The following ZNF268 variants were observed in gnomAD, a reference collection of about 807,000 sequenced individuals.
ZNF268 encodes zinc finger protein 268, also known as zinc finger protein 3.
ZNF268 carries 20 observed loss-of-function variants against 29.3 expected under a neutral mutation model. The observed-to-expected ratio is 0.68, with a 90% confidence interval of 0.48 to 0.99. The LOEUF (loss-of-function observed/expected upper bound fraction) is 0.99, where lower values mean the gene tolerates loss of function less well. Among genes scored for constraint, ZNF268 ranks in the 50% least tolerant of loss-of-function variants. ZNF268 has a pLI of 0.00. For synonymous variants in ZNF268, 429 were observed against 376.9 expected, an observed-to-expected ratio of 1.14 and a Z score of -1.60; for missense variants, 1,240 against 1,121.6, an observed-to-expected ratio of 1.11 and a Z score of -1.51.
intron 3 of ZNF268, among the ~76,000 whole-genome samples, chr12:133,190,006 C>G (rs1459855623): frequency 2.9e-5 from 2 of 70,100 alleles, no homozygotes; most frequent in Non-Finnish European, 6.3e-5. Context: ...GACGAAGTTT[C>G]ACCATGTTAG....
At chr12:133,181,766 G>C in intron 1 of ZNF268, 80 bp downstream of exon 1, 2 of 563,004 alleles carry the variant, frequency 3.6e-6, no homozygotes, top group Non-Finnish European at 6.4e-6. Context: ...GCTGACCCGG[G>C]GCGGTTGCCT....
Position 133,204,063 on chromosome 12 carries a change from T to A in ZNF268, c.2377T>A (p.Ser793Thr), listed in dbSNP as rs1459503867. ...ATGTGGGAAAGCTTTTAGCAGCAAG[T>A]CATACCTAATTATACACATGAGAAC... Reference protein sequence around the residue: ...SECGKAFSSKSYLIIHMRTHS... With the variant: ...SECGKAFSSKTYLIIHMRTHS... The change falls in exon 6 of 6, where the codon TCA becomes ACA. Residue 793 changes from serine (S) to threonine (T), a missense_variant. Physicochemically the swap from Ser to Thr is moderately conservative, Grantham distance 58 (BLOSUM62 1). This residue lies in a region of ZNF268 where 1,177 missense variants were observed against 1,039.6 expected (regional missense o/e 1.13). Coordinates refer to ENST00000536435, the MANE Select transcript of ZNF268 (RefSeq NM_003415.3). 6.4e-7 allele frequency: 1 copy of A among 1,560,154 alleles called. No homozygotes were observed. The highest frequency in any genetic ancestry group is 2.4e-5 in the East Asian group (1 of 41,980).
chr12:133,183,210 T>G lies in ZNF268; in HGVS notation c.33+1180T>G, dbSNP rs117534818. The stretch of plus-strand genomic sequence containing the variant: ...TGTCCTCCACAAAACGAGTCCCTGG[T>G]TGGGGACTGTTGGTATAGGGGAAGG... On this transcript the variant is annotated intron_variant, in intron 2 of 5. Transcript: ENST00000536435. Among the ~76,000 whole-genome samples the G allele has an allele frequency of 4.9e-3, 746 of 152,228 alleles. 2 individuals carry two copies. The highest frequency in any genetic ancestry group is 8.8e-3 in the Non-Finnish European group (601 of 68,022).
chr12:133,181,682 C>G lies in ZNF268; in HGVS notation c.-57C>G. On this transcript the variant is annotated 5_prime_UTR_variant, in exon 1 of 6. Transcript: ENST00000536435. The stretch of plus-strand genomic sequence containing the variant: ...CTGCCCCTTCAGGGTTTGGAGGAGC[C>G]GGAGGTGCGGAATTCCTCCGGTTTC... 2.7e-6 allele frequency: 1 copy of G among 368,854 alleles called. No homozygotes were observed. Among genetic ancestry groups the G allele is most frequent in the Non-Finnish European group, 5.0e-6 (1 of 199,132 alleles). 22.8% of individuals were successfully genotyped at this position (368,854 alleles called of 1,614,324 possible). A position where few individuals can be genotyped will look rare whatever the true frequency, so the allele number is the denominator to read the frequency against.
chr12:133,193,571 G>T, intron 5 of ZNF268: 2 of 623,462 alleles, frequency 3.2e-6, no homozygotes, highest in Non-Finnish European at 2.9e-6. Context: ...GGGCAAAAAA[G>T]GCCTAAGATC....
Position 133,203,073 on chromosome 12 carries a change from CA to C in ZNF268, c.1388del (p.Gln463ArgfsTer7). On this transcript the variant is annotated frameshift_variant, in exon 6 of 6. Transcript: ENST00000536435. LOFTEE classifies it low-confidence loss of function (END_TRUNC). ...ATTCAAGTCACAGCTCATTGTACAT[CA>C]GGGGATTCACACAGGAGTAAAGCCC... Reference protein sequence around the residue: ...FTFKSQLIVHQGIHTGVKPYG... With the variant: ...FTFKSQLIVHXGIHTGVKPYG... The C allele has an allele frequency of 7.2e-6, 11 of 1,537,786 alleles. No homozygotes were observed. The highest frequency in any genetic ancestry group is 9.6e-6 in the Non-Finnish European group (11 of 1,146,986).
At chr12:133,184,309 G>A (rs1956253964) in intron 2 of ZNF268, among the ~76,000 whole-genome samples, 1 of 151,814 alleles carries the variant, frequency 6.6e-6, no homozygotes, top group African/African-American at 2.4e-5. Context: ...GTTTCATTGT[G>A]TTGGCCACAA....
In ZNF268 at chr12:133,204,792, G is replaced by T. The variant is rs568701861; in HGVS notation, c.*262G>T. The T allele has an allele frequency of 3.8e-4, 140 of 364,224 alleles. No homozygotes were observed. The highest frequency in any genetic ancestry group is 3.0e-4 in the Non-Finnish European group (61 of 202,870). The allele number at this position is 364,224 out of a possible 1,614,324, so 22.6% of individuals were successfully genotyped here. ...AGCAAGTCATACCTTTTTTTAAAAA[G>T]TTCATACAGGTGAGGAACCATGTTA... is the stretch of plus-strand genomic sequence containing the variant. On this transcript the variant is annotated 3_prime_UTR_variant, in exon 6 of 6. Transcript: ENST00000536435.
chr12:133,210,829 T>C lies in ZNF268; in HGVS notation c.*6299T>C, dbSNP rs999276349. 2.2e-6 allele frequency: 1 copy of C among 455,940 alleles called. No homozygotes were observed. The highest frequency in any genetic ancestry group is 2.0e-5 in the African/African-American group (1 of 50,058). The allele number at this position is 455,940 out of a possible 1,614,324, so 28.2% of individuals were successfully genotyped here. ...CCTCTGTGGATTCAACCCAGAGGTCTGTGAGCAGAATGCAGGTACTGCAAG... is the reference window on the plus strand; with the variant it reads ...CCTCTGTGGATTCAACCCAGAGGTCCGTGAGCAGAATGCAGGTACTGCAAG... On this transcript the variant is annotated 3_prime_UTR_variant, in exon 6 of 6. Transcript: ENST00000536435.
intron 2 of ZNF268, among the ~76,000 whole-genome samples, chr12:133,183,949 A>C (rs910611751): frequency 2.6e-5 from 4 of 152,234 alleles, no homozygotes. Context: ...AGGGAGATCA[A>C]GTAATATTAG....
Position 133,206,963 on chromosome 12 carries a change from G to GT in ZNF268, c.*2439dup, listed in dbSNP as rs1392478073. ...ACCTAGGGTTAGATTTTAGTTTGTT[G>GT]TTTTTTCAGATGCAAATCTACATGC... On this transcript the variant is annotated 3_prime_UTR_variant, in exon 6 of 6. Transcript: ENST00000536435. 5 of 152,186 alleles carry GT rather than the reference G, an allele frequency of 3.3e-5. No homozygotes were observed. Among genetic ancestry groups the GT allele is most frequent in the African/African-American group, 7.2e-5 (3 of 41,438 alleles). 9.4% of individuals were successfully genotyped at this position (152,186 alleles called of 1,614,324 possible).
In ZNF268 at chr12:133,214,696, A is replaced by C. The variant is rs1216564059; in HGVS notation, c.*10166A>C. The stretch of plus-strand genomic sequence containing the variant: ...TGGATGGAGGATTTCCTTTGGGGTG[A>C]TGAAACTATTTTGGAACTAAGAGGT... On this transcript the variant is annotated 3_prime_UTR_variant, in exon 6 of 6. Transcript: ENST00000536435. The C allele has an allele frequency of 6.6e-6, 1 of 152,234 alleles. No homozygotes were observed. The highest frequency in any genetic ancestry group is 1.5e-5 in the Non-Finnish European group (1 of 68,046). The allele number at this position is 152,234 out of a possible 1,614,324, so 9.4% of individuals were successfully genotyped here. A position where few individuals can be genotyped will look rare whatever the true frequency, so the allele number is the denominator to read the frequency against.
At chr12:133,193,268 T>C (rs1189860197) in intron 5 of ZNF268, among the ~76,000 whole-genome samples, 1 of 152,168 alleles carries the variant, frequency 6.6e-6, no homozygotes, top group East Asian at 1.9e-4. Flanking sequence ...ATGAATTTGA[T>C]GCTGCAGTGA....
Position 133,204,179 on chromosome 12 carries a change from A to G in ZNF268, c.2493A>G (p.Ala831=), listed in dbSNP as rs1425134012. The G allele has an allele frequency of 2.6e-6, 4 of 1,541,148 alleles. No individual in the cohort carries two copies. The highest frequency in any genetic ancestry group is 2.4e-5 in the South Asian group (2 of 84,128). Residue 831 remains alanine, a synonymous_variant, in exon 6 of 6, where the codon GCA becomes GCG. Coordinates refer to ENST00000536435, the MANE Select transcript of ZNF268 (RefSeq NM_003415.3). ...TCATTGTACATGAGCGAACTCATGC[A>G]GGGGTCAACCCTTATAAATGCAGTC... ...SLLIVHERTH[A]GVNPYKCSQC...
chr12:133,213,243 T>C lies in ZNF268; in HGVS notation c.*8713T>C, dbSNP rs1957011890. The C allele has an allele frequency of 6.6e-6, 1 of 152,208 alleles. No individual in the cohort carries two copies. The highest frequency in any genetic ancestry group is 2.4e-5 in the African/African-American group (1 of 41,452). 9.4% of individuals were successfully genotyped at this position (152,208 alleles called of 1,614,324 possible). ...TTCCTTTACCTAATGGCTAGTGATG[T>C]TGAAAATCTTTTCATGTACTTCTTG... On this transcript the variant is annotated 3_prime_UTR_variant, in exon 6 of 6. Transcript: ENST00000536435.
intron 2 of ZNF268, among the ~76,000 whole-genome samples, chr12:133,183,259 A>G (rs1460397060): frequency 6.6e-6 from 1 of 152,184 alleles, no homozygotes; most frequent in Non-Finnish European, 1.5e-5. Flanking sequence ...AAGTGTTTTC[A>G]CAACGGATTT....
In ZNF268 at chr12:133,203,855, A is replaced by T. The variant is rs1184462638; in HGVS notation, c.2169A>T (p.Pro723=). The part of the protein sequence containing the change: ...IHMRTHTGEK[P]HECRECGKSF... Reference sequence around the variant, plus strand: ...TGAGAACTCATACAGGAGAGAAACCACATGAGTGCAGGGAATGCGGGAAAT... The same window carrying T: ...TGAGAACTCATACAGGAGAGAAACCTCATGAGTGCAGGGAATGCGGGAAAT... Residue 723 remains proline, a synonymous_variant, in exon 6 of 6, where the codon CCA becomes CCT. Coordinates refer to ENST00000536435, the MANE Select transcript of ZNF268 (RefSeq NM_003415.3). 3 of 1,567,214 alleles carry T rather than the reference A, an allele frequency of 1.9e-6. No individual in the cohort carries two copies.
rs778532742 is a variant in ZNF268, at chr12:133,191,952, G to C, written c.406G>C (p.Gly136Arg). ...KPDIIFKLEQGEELCMVQAQV... is the reference protein window; with the variant it reads ...KPDIIFKLEQREELCMVQAQV... The stretch of plus-strand genomic sequence containing the variant: ...TGATATCATCTTCAAGTTGGAACAA[G>C]GAGAAGAGCTGTGTATGGTGCAGGC... The change falls in exon 5 of 6, where the codon GGA becomes CGA. Residue 136 changes from glycine (G) to arginine (R), a missense_variant. This residue lies in a region of ZNF268 where 1,177 missense variants were observed against 1,039.6 expected (regional missense o/e 1.13). Transcript: ENST00000536435. 5 of 1,614,150 alleles carry C rather than the reference G, an allele frequency of 3.1e-6. 1 individual carries two copies. Among genetic ancestry groups the C allele is most frequent in the Middle Eastern group, 1.6e-4 (1 of 6,062 alleles).
Position 133,211,850 on chromosome 12 carries a change from C to A in ZNF268, c.*7320C>A, listed in dbSNP as rs1163992868. The A allele has an allele frequency of 2.6e-5, 4 of 152,194 alleles. No homozygotes were observed. The highest frequency in any genetic ancestry group is 9.7e-5 in the African/African-American group (4 of 41,428). The allele number at this position is 152,194 out of a possible 1,614,324, so 9.4% of individuals were successfully genotyped here. Reference sequence around the variant, plus strand: ...AACAAAGCTTCACAATATGAGCCAACAATCACACTCCTAGGTATTTAGATA... The same window carrying A: ...AACAAAGCTTCACAATATGAGCCAAAAATCACACTCCTAGGTATTTAGATA... On this transcript the variant is annotated 3_prime_UTR_variant, in exon 6 of 6. Transcript: ENST00000536435.
Sources: gnomAD v4.1 joint callset for allele counts (sites outside exome capture counted in the v4.1 genomes callset) on GRCh38, gnomAD v4.1.1 for gene constraint, gnomAD v4.1.1 regional missense constraint, MANE v1.5 for transcripts, NCBI Gene and HGNC (gene_info 2026-07-23, HGNC 2026-07-21) for gene names.